The following CTBP2 variants were observed in gnomAD, a reference collection of about 807,000 sequenced individuals.
CTBP2 encodes the protein C-terminal binding protein 2, also known as C-terminal-binding protein 2.
Under a neutral mutation model 80.3 loss-of-function variants are expected in CTBP2, and 30 were observed. The ratio of observed to expected loss-of-function variants is 0.37; its 90% CI spans 0.28 to 0.51. The LOEUF (loss-of-function observed/expected upper bound fraction) is 0.51, where lower values mean the gene tolerates loss of function less well. Ranked by LOEUF, CTBP2 falls within the 20% of genes least tolerant of loss-of-function variation. The pLI is 0.93. For missense variants in CTBP2, 1,212 were observed against 1,375.3 expected (o/e 0.88, Z 1.88); for synonymous variants, 594 against 587.4 (o/e 1.01, Z -0.16).
intron 1 of CTBP2, among the ~76,000 whole-genome samples, chr10:125,115,027 TC>T (rs1329305107): frequency 1.3e-5 from 2 of 152,152 alleles, no homozygotes; most frequent in Non-Finnish European, 2.9e-5. Flanking sequence ...TCTAGGCTCC[TC>T]CTCCTACTAC....
intron 1 of CTBP2, among the ~76,000 whole-genome samples, chr10:125,131,891 T>C (rs1412115621): frequency 2.0e-5 from 3 of 152,192 alleles, no homozygotes; most frequent in Non-Finnish European, 2.9e-5. Flanking sequence ...CCACATTCCA[T>C]GTGGGAACTA....
At chr10:125,005,483 G>C in intron 1 of CTBP2, 1 of 1,492,022 alleles carries the variant, frequency 6.7e-7, no homozygotes, top group Non-Finnish European at 9.1e-7. Flanking sequence ...TCTGCACCAG[G>C]AAAACAGGGC....
chr10:125,158,124 A>AAT (rs1861258096), intron 1 of CTBP2, among the ~76,000 whole-genome samples: 1 of 152,220 alleles, frequency 6.6e-6, no homozygotes, highest in African/African-American at 2.4e-5. Context: ...AGATCCTTTA[A>AAT]AGTCTCATTA....
intron 2 of CTBP2, among the ~76,000 whole-genome samples, chr10:125,096,529 T>TC (rs1216823112): frequency 6.6e-6 from 1 of 151,994 alleles, no homozygotes; most frequent in African/African-American, 2.4e-5. Flanking sequence ...GTAAACCCCC[T>TC]CCCTGCCGAA....
At chr10:125,161,633 TGGGTGCGCAG>T (rs1194659541), upstream of CTBP2, among the ~76,000 whole-genome samples, 1 of 149,986 alleles carries the variant, frequency 6.7e-6, no homozygotes, top group Non-Finnish European at 1.5e-5. Context: ...GCGACCGCTG[TGGGTGCGCAG>T]GGAAGGGCCC....
chr10:125,003,120 G>T lies in CTBP2; in HGVS notation c.1834-16C>A. 1 of 1,613,666 alleles carries T rather than the reference G, an allele frequency of 6.2e-7. No individual in the cohort carries two copies. The highest frequency in any genetic ancestry group is 1.1e-5 in the South Asian group (1 of 91,080). On this transcript the variant is annotated splice_polypyrimidine_tract_variant and intron_variant, in intron 2 of 8. Transcript: ENST00000309035. ...CGTTTAGAACCTGCGTGGGAACAGAGCACAGGGTCGGAGCCCCACCCCGTG... is the reference window on the plus strand; with the variant it reads ...CGTTTAGAACCTGCGTGGGAACAGATCACAGGGTCGGAGCCCCACCCCGTG...
At chr10:125,045,254 G>C (rs970197805) in intron 2 of CTBP2, among the ~76,000 whole-genome samples, 1 of 152,162 alleles carries the variant, frequency 6.6e-6, no homozygotes, top group African/African-American at 2.4e-5. Context: ...CAGATCATTA[G>C]TTTTACATTT....
intron 1 of CTBP2, among the ~76,000 whole-genome samples, chr10:125,018,667 T>C (rs547333906): frequency 6.6e-6 from 1 of 152,282 alleles, no homozygotes; most frequent in East Asian, 1.9e-4. Context: ...TTCCCCTACC[T>C]CGGCCCTGGC....
At position 125,061,121 on chromosome 10, in the gene CTBP2, AC is replaced by A. The variant is rs544793040; in HGVS notation, c.-101-21967del. On this transcript the variant is annotated intron_variant, in intron 2 of 10. Transcript: ENST00000337195. ...TTTCACTCAAAACATCCTTCCTGGG[AC>A]CATCCCAGCAAGCTGAGCATACTAT... Among the ~76,000 whole-genome samples, 19 of 152,320 alleles carry A rather than the reference AC, an allele frequency of 1.2e-4. No individual in the cohort carries two copies. In the East Asian group the frequency reaches 3.5e-3, roughly 28 times the overall value.
chr10:125,120,308 A>T (rs1254702), intron 1 of CTBP2, among the ~76,000 whole-genome samples: 9 of 152,180 alleles, frequency 5.9e-5, no homozygotes, highest in Non-Finnish European at 1.0e-4. Context: ...AAACAAATGA[A>T]GTGAGAACCA....
intron 2 of CTBP2, among the ~76,000 whole-genome samples, chr10:125,062,526 C>T (rs554401586): frequency 1.1e-4 from 17 of 152,054 alleles, no homozygotes; most frequent in Middle Eastern, 3.4e-3. Context: ...GAACTCAGCG[C>T]GAGGGGTTAG....
Position 125,027,577 on chromosome 10 carries a change from G to C in CTBP2, c.183C>G (p.Ala61=), listed in dbSNP as rs1251301989. 1 of 1,614,114 alleles carries C rather than the reference G, an allele frequency of 6.2e-7. No homozygotes were observed. The highest frequency in any genetic ancestry group is 1.1e-5 in the South Asian group (1 of 91,082). ...GGTAGGGCTCGGCGGCCACGGGCAG[G>C]GCAGCGTCCTGTGGTCGGTGGTTTG... is the stretch of plus-strand genomic sequence containing the variant. Residue 61 remains alanine, a synonymous_variant, in exon 1 of 9, where the codon GCC becomes GCG. Transcript: ENST00000309035.
At chr10:125,054,489 A>G (rs1041320366) in intron 2 of CTBP2, among the ~76,000 whole-genome samples, 6 of 152,226 alleles carry the variant, frequency 3.9e-5, no homozygotes, top group Non-Finnish European at 1.5e-5. Flanking sequence ...AGATGAGACC[A>G]CAACCCCACT....
chr10:125,061,855 C>G (rs546161276), intron 2 of CTBP2, among the ~76,000 whole-genome samples: 1 of 152,214 alleles, frequency 6.6e-6, no homozygotes, highest in Admixed American at 6.5e-5. Context: ...ATCCTGGACA[C>G]TGTTCCCGTC....
chr10:125,057,327 A>C (rs778268902), intron 2 of CTBP2, among the ~76,000 whole-genome samples: 29 of 152,310 alleles, frequency 1.9e-4, no homozygotes, highest in Admixed American at 3.9e-4. Context: ...CACTCCTCGA[A>C]AGAGAGACAC....
intron 3 of CTBP2, among the ~76,000 whole-genome samples, chr10:125,001,992 G>A (rs1954581510): frequency 6.6e-6 from 1 of 152,218 alleles, no homozygotes; most frequent in South Asian, 2.1e-4. Flanking sequence ...CTGACACCCA[G>A]CCCGTCCCGG....
intron 2 of CTBP2, among the ~76,000 whole-genome samples, chr10:125,090,376 CAT>C (rs1185860516): frequency 6.9e-6 from 1 of 144,626 alleles, no homozygotes; most frequent in Non-Finnish European, 1.5e-5. Context: ...GAATATGTAT[CAT>C]AAACTGAATT....
chr10:125,040,006 C>T (rs1959215134), intron 2 of CTBP2, among the ~76,000 whole-genome samples: 1 of 152,140 alleles, frequency 6.6e-6, no homozygotes, highest in African/African-American at 2.4e-5. Context: ...GGAGCTGCTG[C>T]CCATCCTCCT....
chr10:125,116,380 C>T (rs751962784), intron 1 of CTBP2, among the ~76,000 whole-genome samples: 7 of 152,152 alleles, frequency 4.6e-5, no homozygotes, highest in East Asian at 1.9e-4. Flanking sequence ...CCCATGCTGA[C>T]GGCCTTCTCA....
Sources: allele counts gnomAD v4.1 joint callset (sites outside exome capture counted in the v4.1 genomes callset), GRCh38; gene constraint gnomAD v4.1.1; transcripts MANE v1.5; gene names NCBI Gene and HGNC (gene_info 2026-07-23, HGNC 2026-07-21).